Variants in MX1 observed in about 807,000 individuals in gnomAD.
MX1 encodes the protein interferon-induced GTP-binding protein Mx1.
Under a neutral mutation model 66.4 loss-of-function variants are expected in MX1, and 66 were observed. The observed-to-expected ratio is 0.99, with a 90% CI of 0.82 to 1.22. MX1 has a LOEUF of 1.22. MX1 is among the 50% of genes most tolerant of loss of function. The pLI is 0.00. For missense variants in MX1, 787 were observed against 834.3 expected, an observed-to-expected ratio of 0.94 and a Z score of 0.70; for synonymous variants, 311 against 318.1, an observed-to-expected ratio of 0.98 and a Z score of 0.24.
chr21:41,423,644 G>A (rs571215382), upstream of MX1, among the ~76,000 whole-genome samples: 9 of 152,114 alleles, frequency 5.9e-5, no homozygotes, highest in South Asian at 4.1e-4. Flanking sequence ...CATCCAGCTC[G>A]TCCCGTCTCT....
chr21:41,451,092 C>A, intron 14 of MX1, 75 bp from the exon 15 acceptor site: 1 of 990,368 alleles, frequency 1.0e-6, no homozygotes. Flanking sequence ...CCATTTGATC[C>A]TCATATTTTT....
intron 7 of MX1, among the ~76,000 whole-genome samples, chr21:41,439,135 C>T (rs778522212): frequency 1.7e-4 from 25 of 146,918 alleles, no homozygotes; most frequent in Non-Finnish European, 3.1e-4. Flanking sequence ...CCCAAAAAGG[C>T]ATTCTAGATT....
intron 5 of MX1, among the ~76,000 whole-genome samples, chr21:41,435,049 A>G (rs776984622): frequency 6.4e-4 from 98 of 152,302 alleles, no homozygotes; most frequent in Middle Eastern, 3.4e-3. Flanking sequence ...ATAGAATTCT[A>G]GATTGATGGT....
intron 7 of MX1, among the ~76,000 whole-genome samples, chr21:41,438,012 G>A (rs145232258): frequency 6.0e-4 from 92 of 152,330 alleles, no homozygotes; most frequent in Non-Finnish European, 9.8e-4. Context: ...TAGAGTAGCT[G>A]ACAAAGAACA....
chr21:41,439,329 A>G (rs1342553932), intron 7 of MX1, among the ~76,000 whole-genome samples: 1 of 152,128 alleles, frequency 6.6e-6, no homozygotes, highest in Admixed American at 6.5e-5. Flanking sequence ...GCATTTCCAT[A>G]TATTTTTATT....
intron 1 of MX1, among the ~76,000 whole-genome samples, chr21:41,421,142 T>G (rs1436338223): frequency 1.3e-5 from 2 of 152,344 alleles, no homozygotes; most frequent in East Asian, 3.9e-4. Flanking sequence ...CAAAGGTCTT[T>G]GCATCATAGA....
intron 11 of MX1, 73 bp downstream of exon 11, chr21:41,443,939 T>A: frequency 7.4e-7 from 1 of 1,353,534 alleles, no homozygotes; most frequent in Non-Finnish European, 1.1e-6. Flanking sequence ...GCTGGCTTCT[T>A]AAACATCACT....
intron 16 of MX1, among the ~76,000 whole-genome samples, chr21:41,453,118 G>C (rs545996216): frequency 6.6e-6 from 1 of 152,280 alleles, no homozygotes; most frequent in South Asian, 2.1e-4. Flanking sequence ...CTACCATCAC[G>C]GCAGAAGGCA....
chr21:41,429,669 A>C (rs1299908295), intron 3 of MX1: 1 of 152,094 alleles, frequency 6.6e-6, no homozygotes, highest in Admixed American at 6.6e-5. Context: ...CCTACCTGAC[A>C]AAAGAGGTGG....
rs1314215248 is a variant in MX1 at position 41,451,174 on chromosome 21, C to T, written c.1440C>T (p.Val480=). The T allele has an allele frequency of 6.2e-7, 1 of 1,608,880 alleles. No homozygotes were observed. Among genetic ancestry groups the T allele is most frequent in the Admixed American group, 1.7e-5 (1 of 59,928 alleles). The change falls in exon 15 of 17, where the codon GTC becomes GTT. Residue 480 remains valine (V), a synonymous_variant. Coordinates refer to ENST00000398598, the MANE Select transcript of MX1 (RefSeq NM_002462.5). ...TTTTCTCTCTTTGATTAGATATGGT[C>T]CGGCTTGCTTTCACAGATGTTTCGA... The part of the protein sequence containing the change: ...VDMLHTVTDM[V]RLAFTDVSIK...
intron 13 of MX1, among the ~76,000 whole-genome samples, 167 bp downstream of exon 13, chr21:41,446,308 T>C (rs574570787): frequency 5.9e-5 from 9 of 152,374 alleles, no homozygotes; most frequent in African/African-American, 2.2e-4. Context: ...GCTTCAAAGA[T>C]GGCACCTTCT....
In MX1 at chr21:41,445,456, GC is replaced by G; in HGVS notation, c.1021del (p.Leu341CysfsTer2). On this transcript the variant is annotated frameshift_variant, in exon 12 of 17. Coordinates refer to ENST00000398598, the MANE Select transcript of MX1 (RefSeq NM_002462.5). LOFTEE classifies it high-confidence loss of function. ...CTCTCCATTTTCCTCAGAAATCTCT[GC>G]CCCTGTTAGAAAATCAAATCAAGGA... ...ELITHICKSL[P>X]LLENQIKETH... 1 of 1,613,890 alleles carries G rather than the reference GC, an allele frequency of 6.2e-7. No individual in the cohort carries two copies. Among genetic ancestry groups the G allele is most frequent in the Non-Finnish European group, 8.5e-7 (1 of 1,179,858 alleles).
chr21:41,442,777 TAGAA>T (rs2090555661), intron 10 of MX1: 3 of 152,210 alleles, frequency 2.0e-5, no homozygotes, highest in Admixed American at 2.0e-4. Flanking sequence ...CTTTCAGCCT[TAGAA>T]AGGAAAGACA....
Position 41,449,131 on chromosome 21 carries a change from C to T in MX1, c.1274-6C>T. On this transcript the variant is annotated splice_polypyrimidine_tract_variant and splice_region_variant and intron_variant, in intron 13 of 16. Coordinates refer to ENST00000398598, the MANE Select transcript of MX1 (RefSeq NM_002462.5). ...ATAATTTAGAGGGTTTTTTTTCCTG[C>T]TATAGGCCATAAAATTTTGAGTAGA... 6.2e-6 allele frequency: 10 copies of T among 1,603,678 alleles called. No individual in the cohort carries two copies. The highest frequency in any genetic ancestry group is 3.4e-5 in the Admixed American group (2 of 58,076).
At chr21:41,445,370 A>G (rs1356865725) in intron 11 of MX1, 78 bp from the exon 12 acceptor site, 1 of 1,554,742 alleles carries the variant, frequency 6.4e-7, no homozygotes, top group Non-Finnish European at 8.8e-7. Flanking sequence ...ACTCCTCTGC[A>G]GAGGGAGGCC....
At chr21:41,458,423 C>A in intron 16 of MX1, 105 bp from the exon 17 acceptor site, 5 of 1,256,364 alleles carry the variant, frequency 4.0e-6, no homozygotes, top group Non-Finnish European at 5.4e-6. Flanking sequence ...CTGCGAGGGT[C>A]TCCCTCATTG....
chr21:41,436,403 A>G (rs1348841179), intron 6 of MX1, among the ~76,000 whole-genome samples: 1 of 152,242 alleles, frequency 6.6e-6, no homozygotes, highest in Non-Finnish European at 1.5e-5. Flanking sequence ...TGGAGGGAAC[A>G]CCATTTCATA....
chr21:41,429,765 GGGTCT>G (rs2090160413), intron 3 of MX1: 1 of 151,904 alleles, frequency 6.6e-6, no homozygotes, highest in Admixed American at 6.6e-5. Context: ...AAAATTAGCC[GGGTCT>G]GGTGGCGTGC....
chr21:41,436,221 G>T (rs1375481105), intron 6 of MX1, among the ~76,000 whole-genome samples, 192 bp downstream of exon 6: 1 of 152,190 alleles, frequency 6.6e-6, no homozygotes, highest in Non-Finnish European at 1.5e-5. Context: ...CCCCCATGCG[G>T]CCTTCCTTCC....
Sources: allele counts gnomAD v4.1 joint callset (sites outside exome capture counted in the v4.1 genomes callset), GRCh38; gene constraint gnomAD v4.1.1; transcripts MANE v1.5; gene names NCBI Gene and HGNC (gene_info 2026-07-23, HGNC 2026-07-21).